Variants in NTM observed in about 807,000 individuals in gnomAD.
NTM encodes IgLON family member 2.
In NTM, 13 loss-of-function variants were observed where a neutral mutation model predicts 42.1. That is an observed-to-expected ratio of 0.31 (90% CI 0.20 to 0.49). The LOEUF is 0.49. Ranked by LOEUF, NTM falls within the 20% of genes least tolerant of loss-of-function variation. The pLI, the probability that NTM is intolerant of heterozygous loss-of-function variation, is 0.99. For synonymous variants in NTM, 187 were observed against 179.2 expected, an observed-to-expected ratio of 1.04 and a Z score of -0.35; for missense variants, 373 against 452.8, an observed-to-expected ratio of 0.82 and a Z score of 1.60.
chr11:131,971,888 CAA>C (rs371009527), intron 2 of NTM, among the ~76,000 whole-genome samples: 6 of 150,788 alleles, frequency 4.0e-5, no homozygotes, highest in Non-Finnish European at 8.9e-5. Context: ...ACTAAAAATA[CAA>C]AAAAAATTAG....
intron 1 of NTM, among the ~76,000 whole-genome samples, chr11:131,599,667 C>T (rs1264922315): frequency 6.6e-6 from 1 of 152,216 alleles, no homozygotes; most frequent in Non-Finnish European, 1.5e-5. Context: ...CTGCCCCTCC[C>T]TCTTATGGCT....
At chr11:131,767,195 G>A in intron 1 of NTM, 1 of 773,322 alleles carries the variant, frequency 1.3e-6, no homozygotes, top group Non-Finnish European at 1.6e-6. Context: ...AACCAAATAT[G>A]GTTTCTTCAA....
chr11:131,853,591 GC>G (rs1488932876), intron 1 of NTM, among the ~76,000 whole-genome samples: 1 of 152,208 alleles, frequency 6.6e-6, no homozygotes, highest in African/African-American at 2.4e-5. Context: ...TTTTGTGATT[GC>G]ATAGTATTCC....
chr11:131,775,685 C>T (rs933411380), intron 1 of NTM, among the ~76,000 whole-genome samples: 3 of 152,120 alleles, frequency 2.0e-5, no homozygotes, highest in African/African-American at 7.2e-5. Context: ...TATCCTGTAG[C>T]TCTGTCTGAC....
At chr11:131,627,232 T>G (rs1257658741) in intron 1 of NTM, among the ~76,000 whole-genome samples, 15 of 150,712 alleles carry the variant, frequency 1.0e-4, no homozygotes, top group African/African-American at 3.2e-4. Flanking sequence ...TATTTATTTT[T>G]TTTGTGGGTT....
At chr11:131,870,794 T>C (rs1258507909) in intron 1 of NTM, among the ~76,000 whole-genome samples, 1 of 152,184 alleles carries the variant, frequency 6.6e-6, no homozygotes, top group Non-Finnish European at 1.5e-5. Flanking sequence ...AACCCACATG[T>C]ACTACCCAAT....
intron 1 of NTM, among the ~76,000 whole-genome samples, chr11:131,810,535 C>T (rs1319812333): frequency 6.6e-6 from 1 of 152,118 alleles, no homozygotes; most frequent in Non-Finnish European, 1.5e-5. Flanking sequence ...TGAGCACGAG[C>T]GGCAGGTGGG....
chr11:131,674,136 G>A (rs1166340549), intron 1 of NTM, among the ~76,000 whole-genome samples: 2 of 152,218 alleles, frequency 1.3e-5, no homozygotes, highest in African/African-American at 4.8e-5. Context: ...CACGGGGTGC[G>A]GGCGCCCTCG....
intron 1 of NTM, among the ~76,000 whole-genome samples, chr11:131,879,220 T>C (rs1421948347): frequency 6.6e-6 from 1 of 152,172 alleles, no homozygotes; most frequent in Non-Finnish European, 1.5e-5. Flanking sequence ...TCTTTCCACC[T>C]TTTACTATGG....
rs577084435 is a variant in NTM, at chr11:131,730,755, C to T, written c.83-180809C>T. Among the ~76,000 whole-genome samples, 14 of 141,514 alleles carry T rather than the reference C, an allele frequency of 9.9e-5. No homozygotes were observed. In the South Asian group the frequency reaches 3.4e-3, roughly 34 times the overall value. 92.8% of individuals were successfully genotyped at this position (141,514 alleles called of 152,430 possible). On this transcript the variant is annotated intron_variant, in intron 1 of 8. Coordinates refer to ENST00000683400, the MANE Select transcript of NTM (RefSeq NM_001352005.2). The stretch of plus-strand genomic sequence containing the variant: ...GAAGAGAAGAAGACGAAGAAAAGAG[C>T]AGGGAATCTACAAAAGTCAGGAATG...
chr11:131,536,852 T>G (rs992836889), intron 1 of NTM: 1 of 152,202 alleles, frequency 6.6e-6, no homozygotes, highest in Non-Finnish European at 1.5e-5. Flanking sequence ...GTACAAGATT[T>G]GCGTAGGAAA....
chr11:132,107,128 G>A (rs539921167), intron 2 of NTM, among the ~76,000 whole-genome samples: 4 of 152,084 alleles, frequency 2.6e-5, no homozygotes, highest in South Asian at 2.1e-4. Context: ...ATAGAGACCC[G>A]TTCTCATGGA....
intron 1 of NTM, among the ~76,000 whole-genome samples, chr11:131,433,918 G>C (rs113508953): frequency 0.025 from 3,796 of 152,210 alleles, 165 homozygotes; most frequent in African/African-American, 0.085. Flanking sequence ...ATTTACATTA[G>C]GTATTTCTCC....
intron 2 of NTM, among the ~76,000 whole-genome samples, chr11:132,094,136 G>A (rs1409183793): frequency 1.3e-5 from 2 of 152,192 alleles, no homozygotes; most frequent in African/African-American, 4.8e-5. Flanking sequence ...CACAAGAGTA[G>A]GCTACAGTCT....
intron 1 of NTM, among the ~76,000 whole-genome samples, chr11:131,600,364 C>A (rs1438469794): frequency 6.6e-6 from 1 of 152,080 alleles, no homozygotes; most frequent in Admixed American, 6.5e-5. Context: ...AGTCTATTTG[C>A]CTGTAGAAAA....
chr11:131,640,791 T>C (rs1174076942), intron 1 of NTM, among the ~76,000 whole-genome samples: 1 of 152,184 alleles, frequency 6.6e-6, no homozygotes, highest in Admixed American at 6.5e-5. Context: ...ACATTAAAAT[T>C]GTTTAAAATC....
At chr11:132,090,999 T>C (rs1462626736) in intron 2 of NTM, among the ~76,000 whole-genome samples, 1 of 152,216 alleles carries the variant, frequency 6.6e-6, no homozygotes, top group Non-Finnish European at 1.5e-5. Context: ...TCCAATTTTC[T>C]CCATTCCACA....
intron 1 of NTM, among the ~76,000 whole-genome samples, chr11:131,783,334 A>C (rs1404725590): frequency 6.6e-6 from 1 of 152,198 alleles, no homozygotes; most frequent in Non-Finnish European, 1.5e-5. Flanking sequence ...ATCTCAATAA[A>C]AAAGAAGAGA....
chr11:132,149,986 A>G (rs1015060169), intron 3 of NTM, among the ~76,000 whole-genome samples: 2 of 152,210 alleles, frequency 1.3e-5, no homozygotes, highest in Non-Finnish European at 2.9e-5. Flanking sequence ...TTGCATTACT[A>G]TAAAGGAATG....
Sources: gnomAD v4.1 joint callset for allele counts (sites outside exome capture counted in the v4.1 genomes callset) on GRCh38, gnomAD v4.1.1 for gene constraint, MANE v1.5 for transcripts, NCBI Gene and HGNC (gene_info 2026-07-23, HGNC 2026-07-21) for gene names.